The following SLC24A2 variants were observed in gnomAD, a reference collection of about 807,000 sequenced individuals.
SLC24A2 encodes sodium/potassium/calcium exchanger 2.
A neutral mutation model predicts 62.0 loss-of-function variants in SLC24A2; 36 were observed. The ratio of observed to expected loss-of-function variants is 0.58; its 90% CI spans 0.44 to 0.77. The LOEUF is 0.77. Ranked by LOEUF, SLC24A2 falls within the 30% of genes least tolerant of loss-of-function variation. The pLI, the probability that SLC24A2 is intolerant of heterozygous loss-of-function variation, is 0.00. For synonymous variants in SLC24A2, 358 were observed against 294.0 expected, an observed-to-expected ratio of 1.22 and a Z score of -2.23; for missense variants, 846 against 817.9, an observed-to-expected ratio of 1.03 and a Z score of -0.42.
chr9:19,988,708 G>C, the SLC24A2 span, among the ~76,000 whole-genome samples: 25 of 152,250 alleles, frequency 1.6e-4, no homozygotes, highest in East Asian at 4.6e-3. Flanking sequence ...AGGTGGTTCT[G>C]CTTTTGTGGA....
At chr9:20,288,131 C>G in the SLC24A2 span, among the ~76,000 whole-genome samples, 1 of 151,990 alleles carries the variant, frequency 6.6e-6, no homozygotes, top group African/African-American at 2.4e-5. Flanking sequence ...GTTTTAGAAA[C>G]AAGGAAAAGC....
the SLC24A2 span, among the ~76,000 whole-genome samples, chr9:20,304,247 G>T: frequency 6.6e-6 from 1 of 152,110 alleles, no homozygotes; most frequent in East Asian, 1.9e-4. Context: ...GTCCCTCACT[G>T]CCAACCCACC....
chr9:19,873,086 A>G, the SLC24A2 span, among the ~76,000 whole-genome samples: 510 of 152,296 alleles, frequency 3.3e-3, 2 homozygotes, highest in African/African-American at 0.012. Flanking sequence ...TTGAACTCAG[A>G]AAGTCTGAAG....
At chr9:19,757,098 G>A (rs1359695743) in intron 2 of SLC24A2, among the ~76,000 whole-genome samples, 1 of 151,694 alleles carries the variant, frequency 6.6e-6, no homozygotes, top group African/African-American at 2.4e-5. Flanking sequence ...AAACAGAAAT[G>A]CCTACCTCAA....
At chr9:20,133,785 C>G in the SLC24A2 span, among the ~76,000 whole-genome samples, 1 of 152,076 alleles carries the variant, frequency 6.6e-6, no homozygotes, top group Non-Finnish European at 1.5e-5. Context: ...AAACAAACAA[C>G]TGAACAGTAA....
At chr9:19,809,343 AAAAT>A in the SLC24A2 span, among the ~76,000 whole-genome samples, 10 of 152,326 alleles carry the variant, frequency 6.6e-5, no homozygotes, top group East Asian at 1.9e-3. Context: ...CAACAGAGTA[AAAAT>A]AAATAAAGAC....
At chr9:20,154,124 T>C in the SLC24A2 span, among the ~76,000 whole-genome samples, 2 of 151,926 alleles carry the variant, frequency 1.3e-5, no homozygotes, top group African/African-American at 2.4e-5. Flanking sequence ...TAGTCTGATG[T>C]ATATGATTAC....
At chr9:19,697,055 T>C (rs1016725694) in intron 2 of SLC24A2, among the ~76,000 whole-genome samples, 17 of 152,188 alleles carry the variant, frequency 1.1e-4, no homozygotes, top group African/African-American at 3.6e-4. Flanking sequence ...AAAGTGTAAC[T>C]GATTATATTT....
At chr9:19,577,623 A>G (rs1419087497) in intron 5 of SLC24A2, among the ~76,000 whole-genome samples, 1 of 152,174 alleles carries the variant, frequency 6.6e-6, no homozygotes, top group Non-Finnish European at 1.5e-5. Context: ...AGCTGCAATT[A>G]AGGCATTAAG....
the SLC24A2 span, among the ~76,000 whole-genome samples, chr9:20,167,847 G>C: frequency 1.1e-4 from 17 of 150,916 alleles, no homozygotes; most frequent in South Asian, 2.1e-4. Context: ...AACTTCCCAG[G>C]TATCTGGGAT....
At chr9:19,602,243 G>C (rs1836861697) in intron 4 of SLC24A2, among the ~76,000 whole-genome samples, 1 of 152,192 alleles carries the variant, frequency 6.6e-6, no homozygotes, top group Admixed American at 6.5e-5. Context: ...TTTGTGCTAT[G>C]CCTGGAACAT....
At chr9:20,024,657 T>A in the SLC24A2 span, among the ~76,000 whole-genome samples, 2 of 152,320 alleles carry the variant, frequency 1.3e-5, no homozygotes, top group East Asian at 3.9e-4. Flanking sequence ...AGAAAGAGTA[T>A]GAAAATACGT....
chr9:20,301,705 C>G, the SLC24A2 span, among the ~76,000 whole-genome samples: 3 of 151,588 alleles, frequency 2.0e-5, no homozygotes, highest in Non-Finnish European at 4.4e-5. Flanking sequence ...CCCCCACCAG[C>G]GTGGTACATT....
the SLC24A2 span, among the ~76,000 whole-genome samples, chr9:19,922,351 A>G: frequency 3.3e-5 from 5 of 152,172 alleles, no homozygotes; most frequent in Admixed American, 6.5e-5. Context: ...TGTTTTTTAA[A>G]AGCAGCCATT....
chr9:19,832,363 T>G, the SLC24A2 span, among the ~76,000 whole-genome samples: 8 of 152,354 alleles, frequency 5.3e-5, no homozygotes, highest in African/African-American at 1.9e-4. Flanking sequence ...TTAAACATGT[T>G]GTAAGCCAGA....
intron 10 of SLC24A2, among the ~76,000 whole-genome samples, chr9:19,516,954 G>A (rs1832959563): frequency 6.6e-6 from 1 of 152,194 alleles, no homozygotes; most frequent in African/African-American, 2.4e-5. Context: ...TGGGAAAGAT[G>A]TTGACAATTG....
At chr9:19,636,315 T>C (rs10117839) in intron 2 of SLC24A2, among the ~76,000 whole-genome samples, 5,831 of 39,998 alleles carry the variant, frequency 0.15, 879 homozygotes, top group East Asian at 0.27. Flanking sequence ...TTTTCTTTTC[T>C]TTTCTTTCTT....
At chr9:20,005,855 C>A in the SLC24A2 span, among the ~76,000 whole-genome samples, 1 of 138,602 alleles carries the variant, frequency 7.2e-6, no homozygotes, top group African/African-American at 2.8e-5. Flanking sequence ...GATCCCATTC[C>A]CTACTCCATT....
chr9:20,247,961 A>G, the SLC24A2 span, among the ~76,000 whole-genome samples: 1 of 152,256 alleles, frequency 6.6e-6, no homozygotes, highest in African/African-American at 2.4e-5. Context: ...AAGGGCTTAG[A>G]GCATATGGAA....
Sources: gnomAD v4.1 joint callset for allele counts (sites outside exome capture counted in the v4.1 genomes callset) on GRCh38, gnomAD v4.1.1 for gene constraint, MANE v1.5 for transcripts, NCBI Gene and HGNC (gene_info 2026-07-23, HGNC 2026-07-21) for gene names.